The following CBFB variants were observed in gnomAD, a reference collection of about 807,000 sequenced individuals.
CBFB encodes the protein core-binding factor subunit beta, also known as CBF-beta.
A neutral mutation model predicts 30.4 loss-of-function variants in CBFB; 9 were observed. That is an observed-to-expected ratio of 0.30 (90% confidence interval 0.18 to 0.52). CBFB has a LOEUF of 0.52. Among genes scored for constraint, CBFB ranks in the 20% least tolerant of loss-of-function variants. The pLI is 0.97. For missense variants in CBFB, 170 were observed against 244.0 expected (o/e 0.70, Z 2.02); for synonymous variants, 94 against 84.0 (o/e 1.12, Z -0.65).
At chr16:67,087,385 G>A (rs1961761913) in intron 5 of CBFB, among the ~76,000 whole-genome samples, 1 of 151,718 alleles carries the variant, frequency 6.6e-6, no homozygotes, top group African/African-American at 2.4e-5. Context: ...GCAAGACTTT[G>A]TCTCTACAAA....
chr16:67,089,144 T>G (rs1333637488), intron 5 of CBFB, among the ~76,000 whole-genome samples: 2 of 152,208 alleles, frequency 1.3e-5, no homozygotes, highest in Admixed American at 6.5e-5. Flanking sequence ...TAACTTGAAA[T>G]GAGAAACTAT....
At chr16:67,051,476 C>CTATATATA (rs750985015) in intron 3 of CBFB, among the ~76,000 whole-genome samples, 1 of 150,478 alleles carries the variant, frequency 6.6e-6, no homozygotes, top group Non-Finnish European at 1.5e-5. Flanking sequence ...TAATATATTG[C>CTATATATA]TATATATATA....
At chr16:67,091,659 G>A (rs569427582) in intron 5 of CBFB, among the ~76,000 whole-genome samples, 1 of 152,262 alleles carries the variant, frequency 6.6e-6, no homozygotes, top group Admixed American at 6.5e-5. Flanking sequence ...CATGCCTGTT[G>A]GAACAGCTCT....
At chr16:67,039,993 T>C (rs1966503594) in intron 3 of CBFB, among the ~76,000 whole-genome samples, 1 of 152,218 alleles carries the variant, frequency 6.6e-6, no homozygotes. Flanking sequence ...TACTACTTTT[T>C]TTCTAGAAGA....
At chr16:67,050,292 A>T (rs1966717478) in intron 3 of CBFB, among the ~76,000 whole-genome samples, 1 of 148,196 alleles carries the variant, frequency 6.7e-6, no homozygotes, top group African/African-American at 2.5e-5. Context: ...TATAAATTAT[A>T]TGTCAATATA....
chr16:67,095,775 C>T (rs533284553), intron 5 of CBFB, among the ~76,000 whole-genome samples: 2 of 151,672 alleles, frequency 1.3e-5, no homozygotes, highest in Admixed American at 1.3e-4. Context: ...TCACCACAAC[C>T]TCTGCCTTTC....
chr16:67,067,331 A>G (rs1406549768), intron 4 of CBFB, among the ~76,000 whole-genome samples: 1 of 152,080 alleles, frequency 6.6e-6, no homozygotes, highest in Non-Finnish European at 1.5e-5. Context: ...CAGCCTGGCC[A>G]TCATGATGAA....
intron 3 of CBFB, among the ~76,000 whole-genome samples, chr16:67,053,379 G>A (rs779901078): frequency 1.4e-4 from 21 of 149,746 alleles, no homozygotes; most frequent in South Asian, 4.2e-4. Context: ...TCAGCCTCCC[G>A]AGTAGCTGGG....
rs1022300841 is a variant in CBFB, at chr16:67,100,254, T to C, written c.*1476T>C. 7.7e-5 allele frequency: 17 copies of C among 219,658 alleles called. No homozygotes were observed. The highest frequency in any genetic ancestry group is 3.4e-4 in the African/African-American group (15 of 44,606). 13.6% of individuals were successfully genotyped at this position (219,658 alleles called of 1,614,324 possible). A position where few individuals can be genotyped will look rare whatever the true frequency, so the allele number is the denominator to read the frequency against. On this transcript the variant is annotated 3_prime_UTR_variant, in exon 6 of 6. Coordinates refer to ENST00000412916, the MANE Select transcript of CBFB (RefSeq NM_022845.3). ...AGTCAATTCAGAAAATGGACTGAAG[T>C]CTGAATAAGGTCATTGCATTTAAAA... is the stretch of plus-strand genomic sequence containing the variant.
intron 4 of CBFB, among the ~76,000 whole-genome samples, chr16:67,073,347 A>G (rs1172462566): frequency 3.9e-5 from 6 of 152,190 alleles, no homozygotes; most frequent in Non-Finnish European, 7.3e-5. Context: ...TTCTGTCTCT[A>G]TTTATGATTC....
intron 4 of CBFB, among the ~76,000 whole-genome samples, chr16:67,080,298 T>C (rs955510295): frequency 6.6e-6 from 1 of 151,850 alleles, no homozygotes; most frequent in Non-Finnish European, 1.5e-5. Flanking sequence ...GAGGAGACTT[T>C]TGCAATGGTC....
At chr16:67,081,360 G>A (rs900998240) in intron 4 of CBFB, among the ~76,000 whole-genome samples, 2 of 151,872 alleles carry the variant, frequency 1.3e-5, no homozygotes, top group Non-Finnish European at 2.9e-5. Flanking sequence ...AAAGACACAT[G>A]CACACGTATG....
intron 3 of CBFB, among the ~76,000 whole-genome samples, chr16:67,049,919 G>A (rs944641334): frequency 6.6e-6 from 1 of 151,984 alleles, no homozygotes; most frequent in African/African-American, 2.4e-5. Flanking sequence ...TGATTTTACA[G>A]CTGAGGAAAC....
At chr16:67,090,764 A>G (rs1253065893) in intron 5 of CBFB, among the ~76,000 whole-genome samples, 1 of 152,358 alleles carries the variant, frequency 6.6e-6, no homozygotes, top group East Asian at 1.9e-4. Flanking sequence ...ATGTCAGAGA[A>G]TGGGTAAATT....
intron 4 of CBFB, among the ~76,000 whole-genome samples, chr16:67,072,376 T>C (rs1289093304): frequency 6.6e-6 from 1 of 152,234 alleles, no homozygotes; most frequent in Non-Finnish European, 1.5e-5. Flanking sequence ...TTGATATTTA[T>C]TCATGCACTT....
rs753240731 is a variant in CBFB at position 67,029,493 on chromosome 16, A to AGGCG, written c.78+18_78+21dup. On this transcript the variant is annotated intron_variant, in intron 1 of 5. Transcript: ENST00000412916. ...CTGAGCCGCGAGTGTGAGGTGAGGC[A>AGGCG]GGCGGGCGGGCGGCTAGGAGGCCGC... 26 of 1,583,922 alleles carry AGGCG rather than the reference A, an allele frequency of 1.6e-5. No individual in the cohort carries two copies. Among genetic ancestry groups the AGGCG allele is most frequent in the Admixed American group, 1.1e-4 (6 of 56,902 alleles).
At chr16:67,046,133 A>G (rs550069844) in intron 3 of CBFB, among the ~76,000 whole-genome samples, 33 of 141,934 alleles carry the variant, frequency 2.3e-4, no homozygotes, top group Middle Eastern at 4.8e-3. Flanking sequence ...TTGAAACTAG[A>G]TATCTCTCTG....
intron 3 of CBFB, among the ~76,000 whole-genome samples, chr16:67,054,853 C>T (rs989289941): frequency 7.2e-5 from 11 of 151,980 alleles, no homozygotes; most frequent in Admixed American, 2.6e-4. Context: ...CCCGGGTTCA[C>T]GCCATTCTCC....
chr16:67,029,583 C>A, intron 1 of CBFB, 98 bp downstream of exon 1: 2 of 1,354,700 alleles, frequency 1.5e-6, no homozygotes, highest in South Asian at 1.3e-5. Context: ...GAGTCCCGGT[C>A]GGTGCGCCCG....
Sources: allele counts gnomAD v4.1 joint callset (sites outside exome capture counted in the v4.1 genomes callset), GRCh38; gene constraint gnomAD v4.1.1; transcripts MANE v1.5; gene names NCBI Gene and HGNC (gene_info 2026-07-23, HGNC 2026-07-21).